ICAM2: variants seen among roughly 807,000 people sequenced by gnomAD.
ICAM2 encodes intercellular adhesion molecule 2, also known as ICAM-2.
In ICAM2, 14 loss-of-function variants were observed where a neutral mutation model predicts 19.1. The ratio of observed to expected loss-of-function variants is 0.73; its 90% CI spans 0.48 to 1.15. The LOEUF (loss-of-function observed/expected upper bound fraction) is 1.15, where lower values mean the gene tolerates loss of function less well. Ranked by LOEUF, ICAM2 falls within the 50% of genes most tolerant of loss-of-function variation. The pLI is 0.00. For missense variants in ICAM2, 311 were observed against 355.4 expected, an observed-to-expected ratio of 0.88 and a Z score of 1.00; for synonymous variants, 153 against 152.7, an observed-to-expected ratio of 1.00 and a Z score of -0.01.
chr17:64,018,050 T>C (rs1911782030), intron 1 of ICAM2, among the ~76,000 whole-genome samples: 1 of 152,104 alleles, frequency 6.6e-6, no homozygotes, highest in Non-Finnish European at 1.5e-5. Context: ...TTGACTAAGA[T>C]ACAAAGAAAC....
At chr17:64,003,007 A>C in intron 4 of ICAM2, 82 bp from the exon 5 acceptor site, 1 of 1,355,588 alleles carries the variant, frequency 7.4e-7, no homozygotes, top group Non-Finnish European at 1.0e-6. Context: ...GTCCACCCCC[A>C]ACCCAGACCC....
chr17:64,008,468 G>A (rs138661019), intron 1 of ICAM2, among the ~76,000 whole-genome samples: 9 of 152,100 alleles, frequency 5.9e-5, no homozygotes, highest in Admixed American at 3.3e-4. Flanking sequence ...ACTACAAGTC[G>A]GGCACTGTCA....
Position 64,003,672 on chromosome 17 carries a change from G to A in ICAM2, c.621C>T (p.His207=), listed in dbSNP as rs1352177312. 1 of 1,613,970 alleles carries A rather than the reference G, an allele frequency of 6.2e-7. No individual in the cohort carries two copies. Among genetic ancestry groups the A allele is most frequent in the Admixed American group, 1.7e-5 (1 of 60,004 alleles). The stretch of plus-strand genomic sequence containing the variant: ...AGATCTCCAACATCTTCGGGGCTGA[G>A]TGTTTGTGAAAGATGTTGCCACCGC... ...MSRGGNIFHK[H]SAPKMLEIYE... The change falls in exon 4 of 5, where the codon CAC becomes CAT. Residue 207 remains histidine (H), a synonymous_variant. Transcript: ENST00000579788.
At position 64,003,687 on chromosome 17, in the gene ICAM2, GT is replaced by G; in HGVS notation, c.605del (p.Asn202ThrfsTer26). ...AVLDLMSRGG[N>X]IFHKHSAPKM... is the part of the protein sequence containing the mutation. The stretch of plus-strand genomic sequence containing the variant: ...TCGGGGCTGAGTGTTTGTGAAAGAT[GT>G]TGCCACCGCGAGACATCAAGTCCAG... On this transcript the variant is annotated frameshift_variant, in exon 4 of 5. Coordinates refer to ENST00000579788, the MANE Select transcript of ICAM2 (RefSeq NM_001099789.2). LOFTEE classifies it low-confidence loss of function (END_TRUNC). 1 of 1,614,172 alleles carries G rather than the reference GT, an allele frequency of 6.2e-7. No homozygotes were observed.
intron 1 of ICAM2, among the ~76,000 whole-genome samples, chr17:64,014,601 A>AAGGGAGGGAGGG (rs150793498): frequency 7.5e-6 from 1 of 134,188 alleles, no homozygotes; most frequent in African/African-American, 2.8e-5. Context: ...GAAAGAAAGA[A>AAGGGAGGGAGGG]AGGGAGGGAG....
At chr17:64,011,026 AAC>A (rs1911429729) in intron 1 of ICAM2, among the ~76,000 whole-genome samples, 1 of 152,306 alleles carries the variant, frequency 6.6e-6, no homozygotes, top group Non-Finnish European at 1.5e-5. Context: ...AAGAAAAAAA[AAC>A]ACAATTTTAA....
Position 64,002,836 on chromosome 17 carries a change from TGAA to T in ICAM2, c.736_738del (p.Phe246del), listed in dbSNP as rs1567843186. ...TGCTGGCGCAAGTGCTGGCCGAAGA[TGAA>T]GCAGAGCAGGACAGATGTCACGAAC... On this transcript the variant is annotated inframe_deletion, in exon 5 of 5. Transcript: ENST00000579788. 1.2e-6 allele frequency: 2 copies of T among 1,613,892 alleles called. No individual in the cohort carries two copies. Among genetic ancestry groups the T allele is most frequent in the Non-Finnish European group, 1.7e-6 (2 of 1,179,984 alleles).
At chr17:64,005,525 C>CA in intron 2 of ICAM2, 152 bp from the exon 3 acceptor site, 1 of 883,212 alleles carries the variant, frequency 1.1e-6, no homozygotes, top group Non-Finnish European at 1.7e-6. Flanking sequence ...TGTCAGGTGT[C>CA]ATGGCCCCGG....
At position 64,002,674 on chromosome 17, in the gene ICAM2, C is replaced by T; in HGVS notation, c.*73G>A. On this transcript the variant is annotated 3_prime_UTR_variant, in exon 5 of 5. Transcript: ENST00000579788. ...GCCTGTCACAGTCCTTCAGCCAGGG[C>T]TGGACCTCAACCCTGAGGAGTCACA... The T allele has an allele frequency of 7.2e-7, 1 of 1,380,524 alleles. No homozygotes were observed. Among genetic ancestry groups the T allele is most frequent in the Non-Finnish European group, 1.0e-6 (1 of 996,918 alleles). 85.5% of individuals were successfully genotyped at this position (1,380,524 alleles called of 1,614,324 possible). A position where few individuals can be genotyped will look rare whatever the true frequency, so the allele number is the denominator to read the frequency against.
At chr17:64,016,698 C>T (rs56325317) in intron 1 of ICAM2, among the ~76,000 whole-genome samples, 2,449 of 152,326 alleles carry the variant, frequency 0.016, 25 homozygotes, top group Non-Finnish European at 0.028. Flanking sequence ...CAGTCACCCT[C>T]CTTTAAATGG....
Position 64,006,720 on chromosome 17 carries a change from A to G in ICAM2, c.-29T>C, listed in dbSNP as rs769946351. On this transcript the variant is annotated 5_prime_UTR_variant, in exon 2 of 5. Coordinates refer to ENST00000579788, the MANE Select transcript of ICAM2 (RefSeq NM_001099789.2). ...TGGCAGTCTCCACGGGCTCGCAGGG[A>G]CCAGCCAAGGGCTGCCTGGAGGGAG... 4.3e-6 allele frequency: 7 copies of G among 1,611,858 alleles called. No individual in the cohort carries two copies. The East Asian group carries it at 1.6e-4, about 36-fold the overall frequency.
At position 64,006,708 on chromosome 17, in the gene ICAM2, G is replaced by C. The variant is rs377460447; in HGVS notation, c.-17C>G. 1 of 1,613,610 alleles carries C rather than the reference G, an allele frequency of 6.2e-7. No homozygotes were observed. Among genetic ancestry groups the C allele is most frequent in the Admixed American group, 1.7e-5 (1 of 60,010 alleles). ...AGAGGACATCTCTGGCAGTCTCCAC[G>C]GGCTCGCAGGGACCAGCCAAGGGCT... On this transcript the variant is annotated 5_prime_UTR_variant, in exon 2 of 5. Coordinates refer to ENST00000579788, the MANE Select transcript of ICAM2 (RefSeq NM_001099789.2).
chr17:64,006,587 C>G (rs772569825), intron 2 of ICAM2, 44 bp downstream of exon 2: 3 of 1,571,358 alleles, frequency 1.9e-6, no homozygotes, highest in African/African-American at 1.4e-5. Context: ...CCCACCCTCT[C>G]GGCTGGCATG....
intron 1 of ICAM2, among the ~76,000 whole-genome samples, chr17:64,016,950 C>T (rs909388982): frequency 5.3e-5 from 8 of 152,228 alleles, no homozygotes; most frequent in African/African-American, 1.9e-4. Context: ...TTTTATGATA[C>T]AAGCTCTTAG....
At chr17:64,017,071 A>G (rs1344981758) in intron 1 of ICAM2, among the ~76,000 whole-genome samples, 1 of 152,228 alleles carries the variant, frequency 6.6e-6, no homozygotes, top group African/African-American at 2.4e-5. Context: ...AGGAAGAGAC[A>G]AAGATGCCTA....
chr17:64,010,186 T>C (rs936725500), intron 1 of ICAM2, among the ~76,000 whole-genome samples: 2 of 152,216 alleles, frequency 1.3e-5, no homozygotes, highest in Non-Finnish European at 2.9e-5. Flanking sequence ...TGTGTCAGTG[T>C]AATTGGCCTG....
At chr17:64,005,068 T>A in intron 3 of ICAM2, 39 bp downstream of exon 3, 2 of 1,611,890 alleles carry the variant, frequency 1.2e-6, no homozygotes, top group Non-Finnish European at 1.7e-6. Flanking sequence ...ACAGCCTCTG[T>A]CCCAGGGGAG....
At chr17:64,004,959 G>A (rs1424542727) in intron 3 of ICAM2, 148 bp downstream of exon 3, 1 of 889,014 alleles carries the variant, frequency 1.1e-6, no homozygotes, top group African/African-American at 1.7e-5. Context: ...GGCTGGCCTG[G>A]TCCTGCCCCT....
intron 1 of ICAM2, among the ~76,000 whole-genome samples, chr17:64,007,557 T>C (rs1380096891): frequency 1.3e-5 from 2 of 152,212 alleles, no homozygotes; most frequent in Non-Finnish European, 2.9e-5. Flanking sequence ...CCACCGCACC[T>C]GGCCCTCACT....
Sources: gnomAD v4.1 joint callset for allele counts (sites outside exome capture counted in the v4.1 genomes callset) on GRCh38, gnomAD v4.1.1 for gene constraint, MANE v1.5 for transcripts, NCBI Gene and HGNC (gene_info 2026-07-23, HGNC 2026-07-21) for gene names.